The following CNTN6 variants were observed in gnomAD, a reference collection of about 807,000 sequenced individuals.
The protein encoded by CNTN6 is contactin 6.
A neutral mutation model predicts 122.8 loss-of-function variants in CNTN6; 137 were observed. That is an observed-to-expected ratio of 1.12 (90% CI 0.97 to 1.29). The LOEUF (loss-of-function observed/expected upper bound fraction) is 1.29. CNTN6 is among the 50% of genes most tolerant of loss of function. The probability of loss-of-function intolerance (pLI) is 0.00; values close to 1 mark genes in which losing one functional copy is unlikely to be tolerated. For synonymous variants in CNTN6, 570 were observed against 426.0 expected (o/e 1.34, Z -4.16); for missense variants, 1,634 against 1,223.4 (o/e 1.34, Z -5.01).
At chr3:1,268,062 T>C (rs370780073) in intron 4 of CNTN6, among the ~76,000 whole-genome samples, 14 of 152,228 alleles carry the variant, frequency 9.2e-5, no homozygotes, top group African/African-American at 3.1e-4. Flanking sequence ...GAAATCTCTT[T>C]AGAGATTATT....
At chr3:1,351,935 G>C (rs1258352324) in intron 11 of CNTN6, among the ~76,000 whole-genome samples, 1 of 151,842 alleles carries the variant, frequency 6.6e-6, no homozygotes, top group East Asian at 1.9e-4. Context: ...AAATTAGCTT[G>C]CATTTCTCCT....
chr3:1,338,048 C>G (rs1229273365), intron 11 of CNTN6, among the ~76,000 whole-genome samples: 1 of 152,066 alleles, frequency 6.6e-6, no homozygotes, highest in Non-Finnish European at 1.5e-5. Flanking sequence ...CTGCCTAACT[C>G]AATGTACGCT....
At chr3:1,231,221 G>A (rs2094348843) in intron 4 of CNTN6, among the ~76,000 whole-genome samples, 2 of 152,180 alleles carry the variant, frequency 1.3e-5, no homozygotes, top group Admixed American at 6.5e-5. Flanking sequence ...ATATGAGATT[G>A]CCGATCTACT....
At chr3:1,202,832 C>A (rs1234125943) in intron 2 of CNTN6, among the ~76,000 whole-genome samples, 1 of 152,160 alleles carries the variant, frequency 6.6e-6, no homozygotes, top group East Asian at 1.9e-4. Context: ...TGTTTGTCAT[C>A]TCCATAAACT....
intron 12 of CNTN6, among the ~76,000 whole-genome samples, chr3:1,362,186 T>C (rs983101877): frequency 1.3e-5 from 2 of 152,102 alleles, no homozygotes; most frequent in Non-Finnish European, 2.9e-5. Context: ...CTTTTTATAA[T>C]TGCATGCTTG....
intron 6 of CNTN6, 140 bp downstream of exon 6, chr3:1,295,944 G>A: frequency 8.7e-6 from 6 of 688,126 alleles, no homozygotes; most frequent in Non-Finnish European, 1.4e-5. Context: ...ATGTAAACCA[G>A]AAATATAACA....
At chr3:1,350,594 C>A (rs1472375256) in intron 11 of CNTN6, among the ~76,000 whole-genome samples, 2 of 151,688 alleles carry the variant, frequency 1.3e-5, no homozygotes, top group Non-Finnish European at 2.9e-5. Flanking sequence ...ACCTACTGAG[C>A]CTGAAAGGGG....
chr3:1,310,111 G>A (rs929512812), intron 7 of CNTN6, among the ~76,000 whole-genome samples: 17 of 144,016 alleles, frequency 1.2e-4, no homozygotes, highest in African/African-American at 4.4e-4. Context: ...CATTTTTTTT[G>A]CCTTTTCTTG....
At position 1,403,434 on chromosome 3, in the gene CNTN6, A is replaced by ATCTT; in HGVS notation, c.*18_*21dup. 1 of 1,540,994 alleles carries ATCTT rather than the reference A, an allele frequency of 6.5e-7. No homozygotes were observed. Among genetic ancestry groups the ATCTT allele is most frequent in the South Asian group, 1.1e-5 (1 of 89,348 alleles). On this transcript the variant is annotated 3_prime_UTR_variant, in exon 23 of 23. Transcript: ENST00000446702. ...ACTTATCTGATGAATAAAACCATAA[A>ATCTT]TCTTTGAGAGTTTTTTGAAAGCAAA...
chr3:1,369,623 C>T (rs1224089475), intron 12 of CNTN6, among the ~76,000 whole-genome samples: 1 of 152,092 alleles, frequency 6.6e-6, no homozygotes, highest in African/African-American at 2.4e-5. Flanking sequence ...TATGTGGTGT[C>T]ATAAATGGAA....
At chr3:1,180,357 A>G (rs2093531503) in intron 2 of CNTN6, among the ~76,000 whole-genome samples, 1 of 152,238 alleles carries the variant, frequency 6.6e-6, no homozygotes, top group South Asian at 2.1e-4. Context: ...GCAGTGCTCA[A>G]TTAATTACCT....
chr3:1,170,236 CAAAAAAAAA>C (rs10525769), intron 2 of CNTN6, among the ~76,000 whole-genome samples: 1,601 of 107,414 alleles, frequency 0.015, 19 homozygotes, highest in African/African-American at 0.023. Flanking sequence ...GGCTCCATCT[CAAAAAAAAA>C]AAAAAAAAAA....
At chr3:1,322,587 G>C (rs1409915419) in intron 8 of CNTN6, among the ~76,000 whole-genome samples, 1 of 151,580 alleles carries the variant, frequency 6.6e-6, no homozygotes, top group Non-Finnish European at 1.5e-5. Flanking sequence ...ACTTTCCTAT[G>C]TGACATGTTT....
At chr3:1,357,396 T>C (rs938357290) in intron 12 of CNTN6, among the ~76,000 whole-genome samples, 2 of 151,878 alleles carry the variant, frequency 1.3e-5, no homozygotes, top group African/African-American at 4.8e-5. Flanking sequence ...TTGTTTTCTT[T>C]ATTATTATTA....
rs565776469 is a variant in CNTN6 at position 1,302,622 on chromosome 3, T to C, written c.761+4631T>C. On this transcript the variant is annotated intron_variant, in intron 7 of 22. Coordinates refer to ENST00000446702, the MANE Select transcript of CNTN6 (RefSeq NM_001289080.2). ...TTAGGTCATAAGAGAGCTTCTGATA[T>C]AAAAATTGGCTTTTGTTAAATGTTT... 5.9e-5 allele frequency among the ~76,000 whole-genome samples: 9 copies of C among 152,280 alleles called. No individual in the cohort carries two copies. In the South Asian group the frequency reaches 1.9e-3, roughly 32 times the overall value.
At chr3:1,119,096 T>C (rs2091847830) in intron 1 of CNTN6, among the ~76,000 whole-genome samples, 1 of 152,052 alleles carries the variant, frequency 6.6e-6, no homozygotes, top group Non-Finnish European at 1.5e-5. Context: ...GGAGAGGCTG[T>C]TGGAAAGTGT....
chr3:1,321,415 C>A (rs11927748), intron 7 of CNTN6, among the ~76,000 whole-genome samples: 51,843 of 151,488 alleles, frequency 0.34, 9,431 homozygotes, highest in East Asian at 0.69. Context: ...ATTTTATTCA[C>A]CACTATTTTC....
At chr3:1,318,142 A>C (rs906838565) in intron 7 of CNTN6, among the ~76,000 whole-genome samples, 3 of 151,662 alleles carry the variant, frequency 2.0e-5, no homozygotes, top group Non-Finnish European at 4.4e-5. Context: ...AAGAAAAAGA[A>C]AGAAAATTCT....
At chr3:1,201,304 C>G (rs1434590966) in intron 2 of CNTN6, among the ~76,000 whole-genome samples, 1 of 152,016 alleles carries the variant, frequency 6.6e-6, no homozygotes, top group African/African-American at 2.4e-5. Flanking sequence ...TCCATTTGCT[C>G]TTTTTTTCCC....
Sources: gnomAD v4.1 joint callset for allele counts (sites outside exome capture counted in the v4.1 genomes callset) on GRCh38, gnomAD v4.1.1 for gene constraint, MANE v1.5 for transcripts, NCBI Gene and HGNC (gene_info 2026-07-23, HGNC 2026-07-21) for gene names.